PLSCR1: variants seen among roughly 807,000 people sequenced by gnomAD.
The protein encoded by PLSCR1 is phospholipid scramblase 1.
A neutral mutation model predicts 37.8 loss-of-function variants in PLSCR1; 17 were observed. The observed-to-expected ratio is 0.45, with a 90% CI of 0.31 to 0.68. The LOEUF (loss-of-function observed/expected upper bound fraction) is 0.68. PLSCR1 is among the 30% of genes least tolerant of loss of function. The pLI, the probability that PLSCR1 is intolerant of heterozygous loss-of-function variation, is 0.06. For missense variants in PLSCR1, 347 were observed against 380.9 expected, an observed-to-expected ratio of 0.91 and a Z score of 0.74; for synonymous variants, 116 against 125.9, an observed-to-expected ratio of 0.92 and a Z score of 0.53.
chr3:146,517,264 TTA>T (rs2043960029), intron 7 of PLSCR1, 97 bp from the exon 8 acceptor site: 1 of 620,094 alleles, frequency 1.6e-6, no homozygotes, highest in Non-Finnish European at 2.7e-6. Context: ...GGTATTAAAA[TTA>T]TGCACCATAT....
Position 146,535,160 on chromosome 3 carries a change from C to T in PLSCR1, c.13+1380G>A, listed in dbSNP as rs560291781. On this transcript the variant is annotated intron_variant, in intron 2 of 8. Transcript: ENST00000342435. ...GAATAGATTTCAAGAAAATATTTTG[C>T]AAGTCTGAAGTAAAGATCTACCCTT... Among the ~76,000 whole-genome samples the T allele has an allele frequency of 2.0e-5, 3 of 150,304 alleles. No homozygotes were observed. The South Asian group carries it at 6.4e-4, about 32-fold the overall frequency.
rs1335240988 is a variant in PLSCR1, at chr3:146,516,901, T to C, written c.900+105A>G. 10 of 798,400 alleles carry C rather than the reference T, an allele frequency of 1.3e-5. No homozygotes were observed. In the East Asian group the frequency reaches 3.0e-4, roughly 24 times the overall value. 49.5% of individuals were successfully genotyped at this position (798,400 alleles called of 1,614,324 possible). On this transcript the variant is annotated intron_variant, in intron 8 of 8. Coordinates refer to ENST00000342435, the MANE Select transcript of PLSCR1 (RefSeq NM_021105.3). ...ATTAAATGGGAATCCTGATTTAAAATCTATAAATTTTAAAATGTCATTTTG... is the reference window on the plus strand; with the variant it reads ...ATTAAATGGGAATCCTGATTTAAAACCTATAAATTTTAAAATGTCATTTTG...
chr3:146,536,718 T>C, intron 1 of PLSCR1, 153 bp from the exon 2 acceptor site: 1 of 556,582 alleles, frequency 1.8e-6, no homozygotes, highest in Non-Finnish European at 3.4e-6. Context: ...TTTAAGCCCT[T>C]TGTGCTTGAC....
chr3:146,541,152 T>C (rs150782511), intron 1 of PLSCR1: 1 of 152,250 alleles, frequency 6.6e-6, no homozygotes, highest in East Asian at 1.9e-4. Context: ...AAGGAGCCAT[T>C]CCATAAAAAT....
intron 7 of PLSCR1, 75 bp from the exon 8 acceptor site, chr3:146,517,242 T>C (rs1401345650): frequency 1.3e-6 from 1 of 799,812 alleles, no homozygotes; most frequent in African/African-American, 1.8e-5. Flanking sequence ...TGAAGTAAGA[T>C]GAAACAAATA....
intron 3 of PLSCR1, among the ~76,000 whole-genome samples, chr3:146,532,468 A>C (rs1461734749): frequency 6.6e-6 from 1 of 152,226 alleles, no homozygotes; most frequent in Non-Finnish European, 1.5e-5. Context: ...GGGTGATGAT[A>C]CTTCAGTGCA....
rs537836270 is a variant in PLSCR1, at chr3:146,515,200, A to G, written c.*845T>C. The G allele has an allele frequency of 6.6e-6, 1 of 152,348 alleles. No individual in the cohort carries two copies. The highest frequency in any genetic ancestry group is 1.9e-4 in the East Asian group (1 of 5,190). 9.4% of individuals were successfully genotyped at this position (152,348 alleles called of 1,614,324 possible). ...AAATATACAAAAAAATCAAGTTTTT[A>G]TTTCAAATATTTGAATCTAATAGAT... On this transcript the variant is annotated 3_prime_UTR_variant, in exon 9 of 9. Coordinates refer to ENST00000342435, the MANE Select transcript of PLSCR1 (RefSeq NM_021105.3).
Position 146,528,783 on chromosome 3 carries a change from G to A in PLSCR1, c.143C>T (p.Pro48Leu). 2 of 1,614,126 alleles carry A rather than the reference G, an allele frequency of 1.2e-6. No individual in the cohort carries two copies. Among genetic ancestry groups the A allele is most frequent in the Non-Finnish European group, 1.7e-6 (2 of 1,180,008 alleles). Residue 48 changes from proline (P) to leucine (L), a missense_variant, in exon 4 of 9, where the codon CCC becomes CTC. Coordinates refer to ENST00000342435, the MANE Select transcript of PLSCR1 (RefSeq NM_021105.3). ...GYPGPQVSYP[P>L]PPAGHSGPGP... ...AGGACCTGAATGGCCGGCTGGTGGG[G>A]GTGGGTAGCTGACCTGGGGCCCAGG... is the stretch of plus-strand genomic sequence containing the variant.
At chr3:146,522,577 C>CT (rs1420548727) in intron 5 of PLSCR1, among the ~76,000 whole-genome samples, 4 of 152,154 alleles carry the variant, frequency 2.6e-5, no homozygotes, top group African/African-American at 9.7e-5. Context: ...GGACCTCTGC[C>CT]TAGGAAAGCC....
intron 7 of PLSCR1, among the ~76,000 whole-genome samples, chr3:146,519,357 T>C (rs1035728635): frequency 4.6e-5 from 7 of 152,018 alleles, no homozygotes; most frequent in South Asian, 2.1e-4. Flanking sequence ...CTACTCAGGA[T>C]CAGTTTCTAT....
intron 1 of PLSCR1, among the ~76,000 whole-genome samples, chr3:146,538,438 C>T (rs923343397): frequency 2.6e-5 from 4 of 151,968 alleles, no homozygotes; most frequent in Non-Finnish European, 4.4e-5. Context: ...TAATACATAC[C>T]GAATTAGAAG....
intron 1 of PLSCR1, among the ~76,000 whole-genome samples, chr3:146,538,286 A>G (rs1404361369): frequency 1.3e-5 from 2 of 152,268 alleles, no homozygotes; most frequent in African/African-American, 4.8e-5. Context: ...CCATCATATG[A>G]AGAACTGTGT....
chr3:146,529,965 C>T (rs2044173617), intron 3 of PLSCR1, among the ~76,000 whole-genome samples: 1 of 152,078 alleles, frequency 6.6e-6, no homozygotes, highest in Admixed American at 6.6e-5. Context: ...ATTTAAATTT[C>T]ACAATTTAAC....
Position 146,536,536 on chromosome 3 carries a change from T to C in PLSCR1, c.13+4A>G. The C allele has an allele frequency of 7.3e-7, 1 of 1,379,096 alleles. No homozygotes were observed. Among genetic ancestry groups the C allele is most frequent in the Non-Finnish European group, 1.0e-6 (1 of 966,286 alleles). The allele number at this position is 1,379,096 out of a possible 1,614,324, so 85.4% of individuals were successfully genotyped here. Reference sequence around the variant, plus strand: ...AAAGTAAACATTTAAAATAAATTACTTACTTTGTTTGTCCATGATTAAAAC... The same window carrying C: ...AAAGTAAACATTTAAAATAAATTACCTACTTTGTTTGTCCATGATTAAAAC... On this transcript the variant is annotated splice_donor_region_variant and intron_variant, in intron 2 of 8. Transcript: ENST00000342435.
chr3:146,536,747 T>C (rs1560090087), intron 1 of PLSCR1, 182 bp from the exon 2 acceptor site: 3 of 503,364 alleles, frequency 6.0e-6, no homozygotes, highest in South Asian at 3.4e-5. Flanking sequence ...CCTTGCTGTG[T>C]TTCTGAGTAG....
intron 3 of PLSCR1, 80 bp downstream of exon 3, chr3:146,533,388 CTT>C (rs1007396081): frequency 2.9e-6 from 2 of 684,102 alleles, no homozygotes; most frequent in Non-Finnish European, 5.1e-6. Flanking sequence ...CTCTCTCTCT[CTT>C]ACTCTCTCTC....
At chr3:146,539,499 G>A (rs577756632) in intron 1 of PLSCR1, among the ~76,000 whole-genome samples, 1 of 152,296 alleles carries the variant, frequency 6.6e-6, no homozygotes, top group South Asian at 2.1e-4. Flanking sequence ...CTTCAGCAGG[G>A]AGTGTCATGA....
In PLSCR1 at chr3:146,536,650, C is replaced by T. The variant is rs1003560997; in HGVS notation, c.-13-85G>A. ...GTTGAATCGGGATACTCTAAAACTA[C>T]ACAGTCACATTCATAGGATATTCCT... On this transcript the variant is annotated intron_variant, in intron 1 of 8. Transcript: ENST00000342435. The T allele has an allele frequency of 3.8e-6, 3 of 791,544 alleles. No individual in the cohort carries two copies. The African/African-American group carries it at 5.1e-5, about 14-fold the overall frequency. The allele number at this position is 791,544 out of a possible 1,614,324, so 49.0% of individuals were successfully genotyped here. A position where few individuals can be genotyped will look rare whatever the true frequency, so the allele number is the denominator to read the frequency against.
At chr3:146,519,765 A>C (rs2043994230) in intron 7 of PLSCR1, among the ~76,000 whole-genome samples, 1 of 152,172 alleles carries the variant, frequency 6.6e-6, no homozygotes, top group South Asian at 2.1e-4. Context: ...TTTAAAAAGC[A>C]GACTATCATA....
Sources: allele counts gnomAD v4.1 joint callset (sites outside exome capture counted in the v4.1 genomes callset), GRCh38; gene constraint gnomAD v4.1.1; transcripts MANE v1.5; gene names NCBI Gene and HGNC (gene_info 2026-07-23, HGNC 2026-07-21).